The following GGA2 variants were observed in gnomAD, a reference collection of about 807,000 sequenced individuals.
GGA2 encodes ADP-ribosylation factor-binding protein GGA2.
A neutral mutation model predicts 79.5 loss-of-function variants in GGA2; 48 were observed. That is an observed-to-expected ratio of 0.60 (90% CI 0.48 to 0.77). GGA2 has a LOEUF of 0.77. Ranked by LOEUF, GGA2 falls within the 30% of genes least tolerant of loss-of-function variation. The pLI is 0.00. For synonymous variants in GGA2, 317 were observed against 302.0 expected (o/e 1.05, Z -0.51); for missense variants, 770 against 774.0 (o/e 0.99, Z 0.06).
chr16:23,521,920 G>GT, exon 1 of GGA2: 1 of 437,086 alleles, frequency 2.3e-6, no homozygotes, highest in South Asian at 1.6e-5. Context: ...TTAAATCTTG[G>GT]TTTTGCCTCG....
upstream of GGA2, among the ~76,000 whole-genome samples, chr16:23,511,292 A>C (rs1965057342): frequency 6.9e-6 from 1 of 144,282 alleles, no homozygotes; most frequent in African/African-American, 2.6e-5. Context: ...AGCTGGGACT[A>C]CAGGTGCATG....
At chr16:23,468,380 G>A (rs914456703) in intron 16 of GGA2, among the ~76,000 whole-genome samples, 4 of 152,138 alleles carry the variant, frequency 2.6e-5, no homozygotes, top group Non-Finnish European at 5.9e-5. Context: ...GTTTCACCAT[G>A]TTGGCCAGGA....
chr16:23,497,007 C>T (rs1964864518), intron 1 of GGA2, among the ~76,000 whole-genome samples: 1 of 124,720 alleles, frequency 8.0e-6, no homozygotes, highest in Non-Finnish European at 1.7e-5. Context: ...ACTGTAGTCA[C>T]AGCTACTCAG....
intron 2 of GGA2, among the ~76,000 whole-genome samples, chr16:23,518,870 G>C (rs1049379841): frequency 6.6e-6 from 1 of 152,104 alleles, no homozygotes; most frequent in Admixed American, 6.6e-5. Context: ...CAAAAAGACA[G>C]ACTTCCTGCC....
chr16:23,470,241 C>T lies in GGA2; in HGVS notation c.1451-76G>A, dbSNP rs373359035. 2.7e-5 allele frequency: 30 copies of T among 1,118,074 alleles called. No homozygotes were observed. The East Asian group carries it at 6.1e-4, about 23-fold the overall frequency. The allele number at this position is 1,118,074 out of a possible 1,614,324, so 69.3% of individuals were successfully genotyped here. A position where few individuals can be genotyped will look rare whatever the true frequency, so the allele number is the denominator to read the frequency against. ...GACAGCCAGGCTGGAAAGAGATGTA[C>T]ATGTTATCCCCAGATGCTGTTGCTT... On this transcript the variant is annotated intron_variant, in intron 14 of 16. Coordinates refer to ENST00000309859, the MANE Select transcript of GGA2 (RefSeq NM_015044.4).
In GGA2 at chr16:23,470,976, T is replaced by G. The variant is rs191560454; in HGVS notation, c.1451-811A>C. 5.1e-3 allele frequency among the ~76,000 whole-genome samples: 770 copies of G among 151,966 alleles called. 9 individuals are homozygous for G. The highest frequency in any genetic ancestry group is 8.5e-3 in the South Asian group (41 of 4,800). On this transcript the variant is annotated intron_variant, in intron 14 of 16. Transcript: ENST00000309859. ...TCCCTAGTAGCTGGGATTACAGGCATGCACCACCACGCCTGGCTAATTTTT... is the reference window on the plus strand; with the variant it reads ...TCCCTAGTAGCTGGGATTACAGGCAGGCACCACCACGCCTGGCTAATTTTT...
chr16:23,495,626 G>T, intron 2 of GGA2, 68 bp downstream of exon 2: 1 of 864,134 alleles, frequency 1.2e-6, no homozygotes, highest in South Asian at 1.6e-5. Context: ...ACAGTCTTGA[G>T]AGACAAAGGC....
At chr16:23,496,092 G>C (rs1372862186) in intron 1 of GGA2, among the ~76,000 whole-genome samples, 1 of 151,972 alleles carries the variant, frequency 6.6e-6, no homozygotes, top group Non-Finnish European at 1.5e-5. Context: ...TTTGAGGTCA[G>C]AAGTTTGAGA....
At chr16:23,493,531 A>T (rs1431558227) in intron 3 of GGA2, 73 bp from the exon 4 acceptor site, 1 of 980,886 alleles carries the variant, frequency 1.0e-6, no homozygotes, top group Admixed American at 1.7e-5. Flanking sequence ...GCTGGTAATC[A>T]CTTGCTGGAG....
chr16:23,520,876 G>A (rs867965708), intron 1 of GGA2, among the ~76,000 whole-genome samples: 6 of 152,026 alleles, frequency 3.9e-5, no homozygotes, highest in East Asian at 1.9e-4. Context: ...GCAACCTCCC[G>A]TTCTGTGGGG....
At chr16:23,489,802 G>C (rs1369014125) in intron 5 of GGA2, among the ~76,000 whole-genome samples, 1 of 152,162 alleles carries the variant, frequency 6.6e-6, no homozygotes, top group East Asian at 1.9e-4. Flanking sequence ...GGCGGGATTA[G>C]GGGGAGAAGA....
chr16:23,474,910 T>TGCTC lies in GGA2; in HGVS notation c.1443_1444insGAGC (p.Lys482GlufsTer13), dbSNP rs1964557672. 1.2e-6 allele frequency: 2 copies of TGCTC among 1,610,316 alleles called. No individual in the cohort carries two copies. The highest frequency in any genetic ancestry group is 2.7e-5 in the African/African-American group (2 of 74,782). ...GGAGTGAAATTGTACTTACTGGGCT[T>TGCTC]AACAGACTCCAAAGGGACAAACACT... On this transcript the variant is annotated frameshift_variant, in exon 14 of 17. Transcript: ENST00000309859. LOFTEE classifies it high-confidence loss of function.
intron 1 of GGA2, among the ~76,000 whole-genome samples, chr16:23,500,136 G>A (rs1964904556): frequency 1.3e-5 from 2 of 152,240 alleles, no homozygotes; most frequent in Admixed American, 6.5e-5. Flanking sequence ...GTTCCCAAGG[G>A]ACCCTTGTAG....
intron 4 of GGA2, 34 bp from the exon 5 acceptor site, chr16:23,491,834 G>A (rs1964792428): frequency 1.3e-6 from 2 of 1,533,692 alleles, no homozygotes; most frequent in Non-Finnish European, 1.8e-6. Context: ...TTCTAGAGCT[G>A]GAAGGGACTT....
rs1964399607 is a variant in GGA2 at position 23,463,555 on chromosome 16, T to C, written c.*4035A>G. On this transcript the variant is annotated 3_prime_UTR_variant, in exon 17 of 17. Transcript: ENST00000309859. ...CGACACTGAGCATAAAAAAATAAGG[T>C]TTTATTTTCAGCTGATTTTAGAAAG... 1 of 152,174 alleles carries C rather than the reference T, an allele frequency of 6.6e-6. No individual in the cohort carries two copies. The highest frequency in any genetic ancestry group is 1.5e-5 in the Non-Finnish European group (1 of 68,048). The allele number at this position is 152,174 out of a possible 1,614,324, so 9.4% of individuals were successfully genotyped here.
At chr16:23,512,239 T>C (rs115041041), upstream of GGA2, among the ~76,000 whole-genome samples, 348 of 152,076 alleles carry the variant, frequency 2.3e-3, 2 homozygotes, top group African/African-American at 7.2e-3. Context: ...AGAGCATCAG[T>C]TTATATAGTA....
intron 1 of GGA2, among the ~76,000 whole-genome samples, chr16:23,498,279 C>T (rs1383861316): frequency 6.7e-6 from 1 of 148,732 alleles, no homozygotes; most frequent in Non-Finnish European, 1.5e-5. Flanking sequence ...GACTCTGTCT[C>T]CAAAAAAAAA....
chr16:23,483,805 G>A (rs774045200), intron 8 of GGA2, among the ~76,000 whole-genome samples: 1 of 151,552 alleles, frequency 6.6e-6, no homozygotes, highest in African/African-American at 2.4e-5. Flanking sequence ...GCGCCACCAC[G>A]CCCGGCTGAT....
chr16:23,515,129 T>C (rs1001741702), upstream of GGA2, among the ~76,000 whole-genome samples: 5 of 151,590 alleles, frequency 3.3e-5, no homozygotes, highest in South Asian at 1.0e-3. Flanking sequence ...GGTTTTTTTT[T>C]TCCTTAATCT....
Sources: allele counts gnomAD v4.1 joint callset (sites outside exome capture counted in the v4.1 genomes callset), GRCh38; gene constraint gnomAD v4.1.1; transcripts MANE v1.5; gene names NCBI Gene and HGNC (gene_info 2026-07-23, HGNC 2026-07-21).